BCAS3: variants seen among roughly 807,000 people sequenced by gnomAD.
BCAS3 encodes BCAS4/BCAS3 fusion.
In BCAS3, 53 loss-of-function variants were observed where a neutral mutation model predicts 116.1. The observed-to-expected ratio is 0.46, with a 90% CI of 0.37 to 0.57. BCAS3 has a LOEUF of 0.57. Ranked by LOEUF, BCAS3 falls within the 20% of genes least tolerant of loss-of-function variation. The pLI, the probability that BCAS3 is intolerant of heterozygous loss-of-function variation, is 0.00. For synonymous variants in BCAS3, 391 were observed against 408.2 expected (o/e 0.96, Z 0.51); for missense variants, 917 against 1,165.4 (o/e 0.79, Z 3.10).
intron 6 of BCAS3, among the ~76,000 whole-genome samples, chr17:60,764,744 A>C (rs944879375): frequency 6.6e-6 from 1 of 152,174 alleles, no homozygotes; most frequent in African/African-American, 2.4e-5. Context: ...CAAGTCCTGC[A>C]TATCCTTATT....
At chr17:61,016,496 G>C (rs181084187) in intron 16 of BCAS3, among the ~76,000 whole-genome samples, 1 of 152,136 alleles carries the variant, frequency 6.6e-6, no homozygotes, top group African/African-American at 2.4e-5. Context: ...GCTTATTTTA[G>C]CAATTTGCTA....
chr17:61,201,853 G>A (rs1690057946), intron 22 of BCAS3, among the ~76,000 whole-genome samples: 2 of 151,182 alleles, frequency 1.3e-5, no homozygotes, highest in African/African-American at 4.9e-5. Context: ...CCGCCTCCCG[G>A]GTTCAAGTGA....
rs2076925793 is a variant in BCAS3 at position 61,141,709 on chromosome 17, C to CGG, written c.2425+57146_2425+57147dup. On this transcript the variant is annotated intron_variant, in intron 22 of 23. Transcript: ENST00000407086. This position sits in a 1 kb window ranked among gnomAD's most constrained non-coding sequence, Gnocchi z 4.3. Reference sequence around the variant, plus strand: ...CGAGGTCAAGAGATCAAGACCATCCCGGCCAACATGATGAAACCCCACCTC... The same window carrying CGG: ...CGAGGTCAAGAGATCAAGACCATCCCGGGGCCAACATGATGAAACCCCACCTC... Among the ~76,000 whole-genome samples the CGG allele has an allele frequency of 6.6e-6, 1 of 151,562 alleles. No individual in the cohort carries two copies. Among genetic ancestry groups the CGG allele is most frequent in the East Asian group, 1.9e-4 (1 of 5,166 alleles).
rs774609545 is a variant in BCAS3, at chr17:60,689,767, G to A, written c.214+6G>A. ...TGAAAATGCAGATTTAAATGGTATGGTTTTAACTTTTTTTGGGACGTGTGA... is the reference window on the plus strand; with the variant it reads ...TGAAAATGCAGATTTAAATGGTATGATTTTAACTTTTTTTGGGACGTGTGA... On this transcript the variant is annotated splice_donor_region_variant and intron_variant, in intron 4 of 23. Coordinates refer to ENST00000407086, the MANE Select transcript of BCAS3 (RefSeq NM_017679.5). 7 of 1,582,612 alleles carry A rather than the reference G, an allele frequency of 4.4e-6. No homozygotes were observed. In the Admixed American group the frequency reaches 6.8e-5, roughly 15 times the overall value.
At chr17:61,192,934 T>C (rs548647960) in intron 22 of BCAS3, among the ~76,000 whole-genome samples, 4 of 152,352 alleles carry the variant, frequency 2.6e-5, no homozygotes, top group African/African-American at 4.8e-5. Flanking sequence ...AATATTGAGA[T>C]ACTGAGTAGC....
At chr17:60,923,100 G>A (rs1054155917) in intron 12 of BCAS3, among the ~76,000 whole-genome samples, 1 of 152,142 alleles carries the variant, frequency 6.6e-6, no homozygotes, top group South Asian at 2.1e-4. Context: ...GATAGAAGCT[G>A]ATGGAACAGT....
intron 22 of BCAS3, among the ~76,000 whole-genome samples, chr17:61,262,578 G>C (rs1330152276): frequency 6.6e-6 from 1 of 151,962 alleles, no homozygotes; most frequent in African/African-American, 2.4e-5. Context: ...GTGAGGTTTC[G>C]CCATGTTGAC....
chr17:61,114,644 C>T (rs1025693773), intron 22 of BCAS3, among the ~76,000 whole-genome samples: 11 of 152,108 alleles, frequency 7.2e-5, no homozygotes, highest in South Asian at 6.3e-4. Context: ...GAATCAATAT[C>T]GTGAAAATGG....
chr17:61,037,203 T>G lies in BCAS3; in HGVS notation c.1763-686T>G, dbSNP rs2067104801. Among the ~76,000 whole-genome samples the G allele has an allele frequency of 6.6e-6, 1 of 152,232 alleles. No individual in the cohort carries two copies. The highest frequency in any genetic ancestry group is 2.1e-4 in the South Asian group (1 of 4,838). On this transcript the variant is annotated intron_variant, in intron 17 of 23. Coordinates refer to ENST00000407086, the MANE Select transcript of BCAS3 (RefSeq NM_017679.5). This position sits in a 1 kb window ranked among gnomAD's most constrained non-coding sequence, Gnocchi z 4.7. Reference sequence around the variant, plus strand: ...CCTTTCATGCAAGTCATTTGGTACATGCAGGGTAACTAAATCCTAGTCCAT... The same window carrying G: ...CCTTTCATGCAAGTCATTTGGTACAGGCAGGGTAACTAAATCCTAGTCCAT...
At chr17:61,360,007 TTTC>T (rs2058367990) in intron 22 of BCAS3, among the ~76,000 whole-genome samples, 2 of 45,920 alleles carry the variant, frequency 4.4e-5, no homozygotes, top group Non-Finnish European at 1.2e-4. Context: ...TCCCATAACT[TTTC>T]TTTTTTTTTT....
intron 6 of BCAS3, among the ~76,000 whole-genome samples, chr17:60,804,374 A>G (rs1408716912): frequency 6.6e-6 from 1 of 151,722 alleles, no homozygotes; most frequent in Non-Finnish European, 1.5e-5. Flanking sequence ...CCACCTACTC[A>G]GGAGGCTGAG....
intron 22 of BCAS3, among the ~76,000 whole-genome samples, chr17:61,195,298 A>C (rs2080410631): frequency 6.6e-6 from 1 of 152,176 alleles, no homozygotes; most frequent in African/African-American, 2.4e-5. Context: ...AATCATCCTT[A>C]ATGGGATATT....
chr17:61,329,132 G>A (rs1451507129), intron 22 of BCAS3, among the ~76,000 whole-genome samples: 1 of 151,416 alleles, frequency 6.6e-6, no homozygotes, highest in East Asian at 2.0e-4. Flanking sequence ...CTGACCTCAG[G>A]TGATCAGCCC....
At chr17:61,238,297 A>T (rs55943103) in intron 22 of BCAS3, among the ~76,000 whole-genome samples, 14,862 of 149,430 alleles carry the variant, frequency 0.099, 885 homozygotes, top group South Asian at 0.16. Context: ...ATCTTGGCTC[A>T]CTGCAACCTC....
chr17:60,799,797 C>T lies in BCAS3; in HGVS notation c.404-8207C>T, dbSNP rs1265499494. Among the ~76,000 whole-genome samples the T allele has an allele frequency of 7.8e-5, 10 of 127,972 alleles. No individual in the cohort carries two copies. The Admixed American group carries it at 8.4e-4, about 11-fold the overall frequency. 84.0% of individuals were successfully genotyped at this position (127,972 alleles called of 152,430 possible). ...TCTTGAATTCCTGACCTCAAATGAT[C>T]TGCCTGCCTCGGCCTCCCAAAGTGC... On this transcript the variant is annotated intron_variant, in intron 6 of 23. Transcript: ENST00000407086.
At position 61,381,523 on chromosome 17, in the gene BCAS3, C is replaced by A. The variant is rs999699354; in HGVS notation, c.2594-10454C>A. Among the ~76,000 whole-genome samples the A allele has an allele frequency of 2.0e-5, 3 of 152,172 alleles. No homozygotes were observed. The highest frequency in any genetic ancestry group is 4.4e-5 in the Non-Finnish European group (3 of 68,018). ...CACCATTCCTTTGGCTAGGCTTGGC[C>A]TAGAACACTAGACCAAGAACTGGGT... On this transcript the variant is annotated intron_variant, in intron 23 of 23. Transcript: ENST00000407086. The surrounding 1 kb of genome is among the most constrained non-coding windows in gnomAD (Gnocchi z 6.0).
chr17:61,275,183 A>G (rs1236522848), intron 22 of BCAS3, among the ~76,000 whole-genome samples: 2 of 152,206 alleles, frequency 1.3e-5, no homozygotes, highest in African/African-American at 4.8e-5. Flanking sequence ...TACTGGAACT[A>G]ATAAGAAGTT....
At chr17:61,287,732 CA>C (rs1568759404) in intron 22 of BCAS3, among the ~76,000 whole-genome samples, 2 of 150,548 alleles carry the variant, frequency 1.3e-5, no homozygotes, top group South Asian at 4.2e-4. Flanking sequence ...TGTCAAAAAA[CA>C]AAAAACAAAA....
intron 7 of BCAS3, chr17:60,811,451 C>A: frequency 1.7e-6 from 1 of 588,906 alleles, no homozygotes; most frequent in South Asian, 1.5e-5. Flanking sequence ...CATCAAAGTT[C>A]TGAGACATTA....
Sources: allele counts gnomAD v4.1 joint callset (sites outside exome capture counted in the v4.1 genomes callset), GRCh38; gene constraint gnomAD v4.1.1; non-coding constraint Gnocchi (gnomAD v3.1); transcripts MANE v1.5; gene names NCBI Gene and HGNC (gene_info 2026-07-23, HGNC 2026-07-21).